Variants in CAMK1D observed in about 807,000 individuals in gnomAD.
CAMK1D encodes calcium/calmodulin dependent protein kinase ID, also known as calcium/calmodulin-dependent protein kinase type 1D.
CAMK1D carries 9 observed loss-of-function variants against 47.7 expected under a neutral mutation model. The observed-to-expected ratio is 0.19, with a 90% confidence interval of 0.11 to 0.33. The LOEUF is 0.33. Ranked by LOEUF, CAMK1D falls within the 10% of genes least tolerant of loss-of-function variation. The pLI is 1.00. For synonymous variants in CAMK1D, 184 were observed against 184.9 expected (o/e 0.99, Z 0.04); for missense variants, 291 against 488.7 (o/e 0.60, Z 3.81).
At chr10:12,532,372 T>C (rs981202987) in intron 1 of CAMK1D, among the ~76,000 whole-genome samples, 73 of 151,020 alleles carry the variant, frequency 4.8e-4, no homozygotes, top group South Asian at 1.0e-3. Context: ...CTCCGCCTCC[T>C]GGGTTCACGC....
chr10:12,743,657 C>A (rs1301453472), intron 3 of CAMK1D, among the ~76,000 whole-genome samples: 1 of 152,196 alleles, frequency 6.6e-6, no homozygotes, highest in African/African-American at 2.4e-5. Context: ...TCTAAACTCA[C>A]TAGCAGTCAC....
At chr10:12,387,397 T>TATA (rs199871181) in intron 1 of CAMK1D, among the ~76,000 whole-genome samples, 1 of 83,738 alleles carries the variant, frequency 1.2e-5, no homozygotes, top group Non-Finnish European at 2.3e-5. Context: ...ATATTATATA[T>TATA]TTTTATATAT....
intron 1 of CAMK1D, among the ~76,000 whole-genome samples, chr10:12,501,377 G>T (rs930978453): frequency 6.6e-6 from 1 of 152,142 alleles, no homozygotes; most frequent in Non-Finnish European, 1.5e-5. Flanking sequence ...AGGGGCGAGG[G>T]GGACTTTAGG....
chr10:12,650,695 C>T (rs931591437), intron 2 of CAMK1D, among the ~76,000 whole-genome samples: 2 of 152,204 alleles, frequency 1.3e-5, no homozygotes, highest in African/African-American at 2.4e-5. Context: ...CAATCTGCAG[C>T]GCAGCTGGAG....
At chr10:12,804,593 G>A (rs1317779931) in intron 6 of CAMK1D, among the ~76,000 whole-genome samples, 10 of 80,444 alleles carry the variant, frequency 1.2e-4, no homozygotes, top group South Asian at 1.1e-3. Context: ...GTGAGACTCC[G>A]TCTCAAATAA....
At chr10:12,597,828 T>G (rs758560163) in intron 2 of CAMK1D, among the ~76,000 whole-genome samples, 6 of 152,214 alleles carry the variant, frequency 3.9e-5, no homozygotes, top group Non-Finnish European at 7.4e-5. Flanking sequence ...CCTTTATTTA[T>G]GCTCTCACTG....
Position 12,642,048 on chromosome 10 carries a change from T to TAAAA in CAMK1D, c.225-24677_225-24674dup, listed in dbSNP as rs34344996. ...GACAGAGTGAGACCCTTTCTCAGAA[T>TAAAA]AAAAAAAAAAAAAAGAAAGAAAAGG... On this transcript the variant is annotated intron_variant, in intron 2 of 10. Transcript: ENST00000619168. Among the ~76,000 whole-genome samples, 276 of 133,260 alleles carry TAAAA rather than the reference T, an allele frequency of 2.1e-3. 1 individual carries two copies. The highest frequency in any genetic ancestry group is 6.1e-3 in the African/African-American group (218 of 35,710). The allele number at this position is 133,260 out of a possible 152,430, so 87.4% of individuals were successfully genotyped here.
At position 12,458,878 on chromosome 10, in the gene CAMK1D, T is replaced by A. The variant is rs894554756; in HGVS notation, c.93-94347T>A. On this transcript the variant is annotated intron_variant, in intron 1 of 10. Transcript: ENST00000619168. ...TTTCTCCTTCCTTCCTTCCTTTCTT[T>A]CCTTTTTTTTTTTTTTTTGAGATGA... 2.6e-4 allele frequency among the ~76,000 whole-genome samples: 35 copies of A among 136,010 alleles called. No homozygotes were observed. In the East Asian group the frequency reaches 7.9e-3, roughly 31 times the overall value. 89.2% of individuals were successfully genotyped at this position (136,010 alleles called of 152,430 possible). A position where few individuals can be genotyped will look rare whatever the true frequency, so the allele number is the denominator to read the frequency against.
intron 1 of CAMK1D, among the ~76,000 whole-genome samples, chr10:12,436,746 G>A (rs138523566): frequency 1.3e-5 from 2 of 152,296 alleles, no homozygotes; most frequent in South Asian, 2.1e-4. Flanking sequence ...AGACCAACGG[G>A]TGATCTCAGT....
intron 1 of CAMK1D, among the ~76,000 whole-genome samples, chr10:12,465,085 G>A (rs906980551): frequency 1.3e-5 from 2 of 152,160 alleles, no homozygotes; most frequent in Admixed American, 6.5e-5. Flanking sequence ...CATAAAGCAC[G>A]CAGTTTGTGC....
chr10:12,529,376 C>G (rs1835731227), intron 1 of CAMK1D, among the ~76,000 whole-genome samples: 1 of 152,144 alleles, frequency 6.6e-6, no homozygotes. Flanking sequence ...CTGTGGGTAC[C>G]TGCCATATAC....
chr10:12,364,267 A>C (rs1378543721), intron 1 of CAMK1D, among the ~76,000 whole-genome samples: 1 of 103,144 alleles, frequency 9.7e-6, no homozygotes, highest in African/African-American at 3.8e-5. Context: ...TTTGAGATGG[A>C]GTCTCCCTCT....
At chr10:12,528,536 A>G (rs1350362015) in intron 1 of CAMK1D, among the ~76,000 whole-genome samples, 1 of 152,192 alleles carries the variant, frequency 6.6e-6, no homozygotes, top group African/African-American at 2.4e-5. Flanking sequence ...AAACGTACCC[A>G]CATATTCAAA....
At chr10:12,426,041 G>C (rs1840218748) in intron 1 of CAMK1D, among the ~76,000 whole-genome samples, 1 of 152,120 alleles carries the variant, frequency 6.6e-6, no homozygotes, top group Non-Finnish European at 1.5e-5. Flanking sequence ...AGCTGATCTT[G>C]GTATTATTTT....
At chr10:12,431,452 A>C (rs145539589) in intron 1 of CAMK1D, among the ~76,000 whole-genome samples, 1 of 152,160 alleles carries the variant, frequency 6.6e-6, no homozygotes, top group South Asian at 2.1e-4. Context: ...GGTCGGGGAG[A>C]GAGGCCGATT....
intron 1 of CAMK1D, among the ~76,000 whole-genome samples, chr10:12,451,718 T>C (rs1564348067): frequency 6.6e-6 from 1 of 152,222 alleles, no homozygotes; most frequent in Non-Finnish European, 1.5e-5. Flanking sequence ...AGTAAATGAA[T>C]ATACCAATCC....
At chr10:12,751,290 C>G (rs1835971491) in intron 3 of CAMK1D, among the ~76,000 whole-genome samples, 1 of 152,134 alleles carries the variant, frequency 6.6e-6, no homozygotes, top group African/African-American at 2.4e-5. Context: ...GAGTCTTGCT[C>G]TGTCACCCAT....
intron 6 of CAMK1D, among the ~76,000 whole-genome samples, chr10:12,802,054 A>G (rs1377248148): frequency 6.6e-6 from 1 of 152,206 alleles, no homozygotes; most frequent in Non-Finnish European, 1.5e-5. Flanking sequence ...TTGGATTAAA[A>G]CAGAGAGTTC....
rs187361314 is a variant in CAMK1D at position 12,364,615 on chromosome 10, G to A, written c.92+14705G>A. The stretch of plus-strand genomic sequence containing the variant: ...ATGGGATAGAGAAGTACTGACTGAT[G>A]TTAAAAAAAAAAGCAAAACCTCACG... On this transcript the variant is annotated intron_variant, in intron 1 of 10. Coordinates refer to ENST00000619168, the MANE Select transcript of CAMK1D (RefSeq NM_153498.4). Among the ~76,000 whole-genome samples, 543 of 135,732 alleles carry A rather than the reference G, an allele frequency of 4.0e-3. 7 individuals are homozygous for A. The highest frequency in any genetic ancestry group is 0.037 in the East Asian group (186 of 5,094). The allele number at this position is 135,732 out of a possible 152,430, so 89.0% of individuals were successfully genotyped here.
Sources: gnomAD v4.1 joint callset for allele counts (sites outside exome capture counted in the v4.1 genomes callset) on GRCh38, gnomAD v4.1.1 for gene constraint, MANE v1.5 for transcripts, NCBI Gene and HGNC (gene_info 2026-07-23, HGNC 2026-07-21) for gene names.